The following SDCCAG8 variants were observed in gnomAD, a reference collection of about 807,000 sequenced individuals.
SDCCAG8 encodes the protein serologically defined colon cancer antigen 8.
A neutral mutation model predicts 101.8 loss-of-function variants in SDCCAG8; 74 were observed. The ratio of observed to expected loss-of-function variants is 0.73; its 90% CI spans 0.60 to 0.88. SDCCAG8 has a LOEUF of 0.88. Ranked by LOEUF, SDCCAG8 falls within the 40% of genes least tolerant of loss-of-function variation. SDCCAG8 has a pLI of 0.00. For missense variants in SDCCAG8, 787 were observed against 822.6 expected (o/e 0.96, Z 0.53); for synonymous variants, 281 against 292.9 (o/e 0.96, Z 0.41).
At chr1:243,389,892 A>G (rs1393013734) in intron 13 of SDCCAG8, among the ~76,000 whole-genome samples, 1 of 152,170 alleles carries the variant, frequency 6.6e-6, no homozygotes, top group Non-Finnish European at 1.5e-5. Context: ...CAGCACCCAG[A>G]CCAGGAAGCA....
intron 6 of SDCCAG8, among the ~76,000 whole-genome samples, chr1:243,302,023 G>A (rs1014170017): frequency 3.3e-5 from 5 of 152,074 alleles, no homozygotes; most frequent in East Asian, 1.9e-4. Flanking sequence ...TGAGGTGGGC[G>A]GATCACCTGA....
intron 16 of SDCCAG8, among the ~76,000 whole-genome samples, chr1:243,432,929 G>A (rs12140393): frequency 0.17 from 25,228 of 151,918 alleles, 2,280 homozygotes; most frequent in African/African-American, 0.22. Flanking sequence ...TGTTTCTATG[G>A]AGGGGGTTTG....
rs549336143 is a variant in SDCCAG8, at chr1:243,411,063, G to A, written c.1617-4639G>A. 9.7e-4 allele frequency among the ~76,000 whole-genome samples: 147 copies of A among 152,130 alleles called. 1 individual carries two copies. Among genetic ancestry groups the A allele is most frequent in the African/African-American group, 3.5e-3 (145 of 41,540 alleles). Reference sequence around the variant, plus strand: ...TGTGAATAACTTGGAGAATAAAGGTGGATGTTCCTATTCTAGACCATTTGC... The same window carrying A: ...TGTGAATAACTTGGAGAATAAAGGTAGATGTTCCTATTCTAGACCATTTGC... On this transcript the variant is annotated intron_variant, in intron 13 of 17. Transcript: ENST00000366541.
chr1:243,256,350 A>G (rs2066675554), intron 1 of SDCCAG8, 110 bp downstream of exon 1: 2 of 830,106 alleles, frequency 2.4e-6, no homozygotes, highest in African/African-American at 1.7e-5. Flanking sequence ...TCCACGCTAC[A>G]GAGGAGCAAG....
chr1:243,274,611 G>A lies in SDCCAG8; in HGVS notation c.375G>A (p.Gln125=), dbSNP rs780115638. Residue 125 remains glutamine, a synonymous_variant, in exon 4 of 18, where the codon CAG becomes CAA. Transcript: ENST00000366541. ...ACCTTGTTCATACTATTAATGACCA[G>A]TCTCAATATATTCATCATTTAGAGG... ...MHDLVHTIND[Q]SQYIHHLEAE... is the part of the protein sequence containing the mutation. 1.9e-6 allele frequency: 3 copies of A among 1,611,534 alleles called. No homozygotes were observed.
At chr1:243,395,686 G>C (rs2078992670) in intron 13 of SDCCAG8, among the ~76,000 whole-genome samples, 1 of 152,042 alleles carries the variant, frequency 6.6e-6, no homozygotes, top group African/African-American at 2.4e-5. Flanking sequence ...TTTTGTTTCT[G>C]TTTTTAATTT....
chr1:243,275,712 A>G lies in SDCCAG8; in HGVS notation c.420+1056A>G, dbSNP rs188925974. ...AGTTGAGAAGACAGAACTATTCCCT[A>G]TTAACACCATAAGGAGCACATTAGA... On this transcript the variant is annotated intron_variant, in intron 4 of 17. Coordinates refer to ENST00000366541, the MANE Select transcript of SDCCAG8 (RefSeq NM_006642.5). Among the ~76,000 whole-genome samples the G allele has an allele frequency of 1.4e-3, 211 of 152,244 alleles. 5 individuals are homozygous for G. The highest frequency in any genetic ancestry group is 0.014 in the Admixed American group (208 of 15,276).
In SDCCAG8 at chr1:243,499,851, T is replaced by C; in HGVS notation, c.*66T>C. On this transcript the variant is annotated 3_prime_UTR_variant, in exon 18 of 18. Coordinates refer to ENST00000366541, the MANE Select transcript of SDCCAG8 (RefSeq NM_006642.5). Reference sequence around the variant, plus strand: ...TATTTACATTCATCTGGTTTAGACTTAATATGCCACAACGCACCACGACCT... The same window carrying C: ...TATTTACATTCATCTGGTTTAGACTCAATATGCCACAACGCACCACGACCT... 1 of 1,498,054 alleles carries C rather than the reference T, an allele frequency of 6.7e-7. No homozygotes were observed. The highest frequency in any genetic ancestry group is 9.3e-7 in the Non-Finnish European group (1 of 1,079,686). 92.8% of individuals were successfully genotyped at this position (1,498,054 alleles called of 1,614,324 possible).
At chr1:243,398,835 T>C (rs2147965320) in intron 13 of SDCCAG8, among the ~76,000 whole-genome samples, 1 of 152,360 alleles carries the variant, frequency 6.6e-6, no homozygotes, top group African/African-American at 2.4e-5. Context: ...TAGTTGTACC[T>C]AGTAAAGTGT....
chr1:243,430,308 G>C (rs113542620), intron 16 of SDCCAG8, among the ~76,000 whole-genome samples: 3 of 152,150 alleles, frequency 2.0e-5, no homozygotes, highest in Non-Finnish European at 4.4e-5. Flanking sequence ...AGATAAGAAA[G>C]CATAGTACTG....
Position 243,458,965 on chromosome 1 carries a change from TGTG to T in SDCCAG8, c.1986-30044_1986-30042del, listed in dbSNP as rs67486440. On this transcript the variant is annotated intron_variant, in intron 16 of 17. Transcript: ENST00000366541. This position sits in a 1 kb window ranked among gnomAD's most constrained non-coding sequence, Gnocchi z 4.5. The stretch of plus-strand genomic sequence containing the variant: ...TTGTGTTCTGATAGATGGAGAAAAA[TGTG>T]GTGGAGATAGTAAAATATTACCAGT... Among the ~76,000 whole-genome samples, 18,571 of 152,146 alleles carry T rather than the reference TGTG, an allele frequency of 0.12. 1,143 individuals are homozygous for T. The highest frequency in any genetic ancestry group is 0.13 in the Non-Finnish European group (8,527 of 68,006).
chr1:243,420,684 C>A (rs569471432), intron 15 of SDCCAG8, among the ~76,000 whole-genome samples: 1 of 152,120 alleles, frequency 6.6e-6, no homozygotes, highest in African/African-American at 2.4e-5. Flanking sequence ...CTAAAACTTA[C>A]GAAAAGTGCA....
At chr1:243,277,757 C>T (rs1464056207) in intron 4 of SDCCAG8, among the ~76,000 whole-genome samples, 1 of 151,994 alleles carries the variant, frequency 6.6e-6, no homozygotes, top group African/African-American at 2.4e-5. Context: ...CTTTCTTCTT[C>T]TAGTATTTTA....
intron 16 of SDCCAG8, among the ~76,000 whole-genome samples, chr1:243,456,216 T>G (rs2083741300): frequency 6.6e-6 from 1 of 152,200 alleles, no homozygotes; most frequent in African/African-American, 2.4e-5. Flanking sequence ...CAGGAAAGCC[T>G]GACATAATTA....
intron 1 of SDCCAG8, among the ~76,000 whole-genome samples, chr1:243,259,789 C>G (rs946655211): frequency 6.6e-6 from 1 of 152,032 alleles, no homozygotes; most frequent in African/African-American, 2.4e-5. Flanking sequence ...GTGCTGAGAT[C>G]GCGCCACTGC....
rs116904519 is a variant in SDCCAG8 at position 243,284,218 on chromosome 1, G to A, written c.421-2054G>A. On this transcript the variant is annotated intron_variant, in intron 4 of 17. Coordinates refer to ENST00000366541, the MANE Select transcript of SDCCAG8 (RefSeq NM_006642.5). ...TATTTGGTAAAAGGAACTGAGGTAAGTAGGCCTTTAGCATGAGCTTTTATG... is the reference window on the plus strand; with the variant it reads ...TATTTGGTAAAAGGAACTGAGGTAAATAGGCCTTTAGCATGAGCTTTTATG... Among the ~76,000 whole-genome samples, 299 of 152,338 alleles carry A rather than the reference G, an allele frequency of 2.0e-3. 13 individuals carry two copies. The East Asian group carries it at 0.054, about 28-fold the overall frequency.
chr1:243,434,347 T>C (rs577863817), intron 16 of SDCCAG8, among the ~76,000 whole-genome samples: 2 of 152,370 alleles, frequency 1.3e-5, no homozygotes, highest in South Asian at 4.1e-4. Flanking sequence ...TGCAAATGTT[T>C]GTTTTTAAGT....
chr1:243,447,276 A>AC (rs2082996063), intron 16 of SDCCAG8, among the ~76,000 whole-genome samples: 1 of 149,634 alleles, frequency 6.7e-6, no homozygotes, highest in Non-Finnish European at 1.5e-5. Flanking sequence ...AAAAAAAAAA[A>AC]CCATGCCTCA....
At chr1:243,427,991 T>C (rs1423774665) in intron 16 of SDCCAG8, among the ~76,000 whole-genome samples, 1 of 152,214 alleles carries the variant, frequency 6.6e-6, no homozygotes, top group Admixed American at 6.5e-5. Flanking sequence ...GTAAAGACCA[T>C]TCTTAGCTAG....
Sources: allele counts gnomAD v4.1 joint callset (sites outside exome capture counted in the v4.1 genomes callset), GRCh38; gene constraint gnomAD v4.1.1; non-coding constraint Gnocchi (gnomAD v3.1); transcripts MANE v1.5; gene names NCBI Gene and HGNC (gene_info 2026-07-23, HGNC 2026-07-21).